PLEKHG7: variants seen among roughly 807,000 people sequenced by gnomAD.
PLEKHG7 encodes pleckstrin homology domain-containing family G member 7.
PLEKHG7 carries 77 observed loss-of-function variants against 85.2 expected under a neutral mutation model. The ratio of observed to expected loss-of-function variants is 0.90; its 90% CI spans 0.75 to 1.09. PLEKHG7 has a LOEUF of 1.09. Ranked by LOEUF, PLEKHG7 falls within the 50% of genes least tolerant of loss-of-function variation. PLEKHG7 has a pLI of 0.00. For synonymous variants in PLEKHG7, 301 were observed against 302.4 expected (o/e 1.00, Z 0.05); for missense variants, 777 against 804.3 (o/e 0.97, Z 0.41).
intron 15 of PLEKHG7, among the ~76,000 whole-genome samples, chr12:92,764,908 G>A (rs949578586): frequency 6.6e-6 from 1 of 152,024 alleles, no homozygotes; most frequent in African/African-American, 2.4e-5. Flanking sequence ...TTGAGTGGGC[G>A]GCAGTGTTCA....
intron 14 of PLEKHG7, among the ~76,000 whole-genome samples, chr12:92,762,587 T>C (rs1366643911): frequency 6.6e-6 from 1 of 152,204 alleles, no homozygotes; most frequent in Non-Finnish European, 1.5e-5. Context: ...AATTTACTAT[T>C]TCACAATCTG....
At chr12:92,713,266 T>C (rs988202701) in intron 3 of PLEKHG7, among the ~76,000 whole-genome samples, 2 of 152,258 alleles carry the variant, frequency 1.3e-5, no homozygotes, top group Non-Finnish European at 2.9e-5. Context: ...GCCGTGATTC[T>C]GTTTTTACAA....
chr12:92,738,048 C>T (rs370650503), intron 7 of PLEKHG7, among the ~76,000 whole-genome samples: 2 of 152,146 alleles, frequency 1.3e-5, no homozygotes, highest in Non-Finnish European at 2.9e-5. Flanking sequence ...CTTTCTCTCT[C>T]GGAGCTCTTG....
At chr12:92,733,639 C>T (rs912359429) in intron 5 of PLEKHG7, among the ~76,000 whole-genome samples, 45 of 152,142 alleles carry the variant, frequency 3.0e-4, no homozygotes, top group Non-Finnish European at 8.8e-5. Flanking sequence ...AGCTGGTCAC[C>T]AATCACATCT....
intron 13 of PLEKHG7, among the ~76,000 whole-genome samples, chr12:92,759,737 A>C (rs1486325247): frequency 2.0e-5 from 3 of 152,178 alleles, no homozygotes; most frequent in Admixed American, 6.5e-5. Context: ...CAGGCTCCAG[A>C]ACTGTGAGAA....
At chr12:92,754,757 T>A (rs1310579244) in intron 11 of PLEKHG7, among the ~76,000 whole-genome samples, 1 of 152,168 alleles carries the variant, frequency 6.6e-6, no homozygotes, top group Non-Finnish European at 1.5e-5. Context: ...GGCCCTATGA[T>A]GACTTAAGTT....
chr12:92,725,926 G>A (rs1871785424), intron 3 of PLEKHG7, among the ~76,000 whole-genome samples: 1 of 152,244 alleles, frequency 6.6e-6, no homozygotes, highest in Middle Eastern at 3.4e-3. Flanking sequence ...AGATACAGAA[G>A]CCCACTTCAG....
chr12:92,761,637 A>G (rs969346720), intron 13 of PLEKHG7, 115 bp from the exon 14 acceptor site: 1 of 506,184 alleles, frequency 2.0e-6, no homozygotes, highest in South Asian at 3.8e-5. Flanking sequence ...AAAGAAAGAA[A>G]GAAAGAAAGA....
At chr12:92,719,571 CT>C (rs1871580782) in intron 3 of PLEKHG7, among the ~76,000 whole-genome samples, 1 of 152,190 alleles carries the variant, frequency 6.6e-6, no homozygotes, top group Non-Finnish European at 1.5e-5. Flanking sequence ...TAAGACTATG[CT>C]TTATCCAAGT....
chr12:92,735,692 C>G (rs1312895979), intron 5 of PLEKHG7, among the ~76,000 whole-genome samples: 1 of 151,996 alleles, frequency 6.6e-6, no homozygotes, highest in Non-Finnish European at 1.5e-5. Flanking sequence ...AGTGAATGAA[C>G]TAAAAAGAAA....
intron 9 of PLEKHG7, among the ~76,000 whole-genome samples, chr12:92,744,783 A>C (rs1461445184): frequency 6.6e-6 from 1 of 151,696 alleles, no homozygotes; most frequent in African/African-American, 2.4e-5. Flanking sequence ...ATCCTGCCTC[A>C]GCCTCCCAGA....
At chr12:92,765,982 T>C (rs76282502) in intron 15 of PLEKHG7, among the ~76,000 whole-genome samples, 3,066 of 152,226 alleles carry the variant, frequency 0.02, 111 homozygotes, top group African/African-American at 0.069. Context: ...AAGCCTCTTG[T>C]ATTTAACTTG....
intron 9 of PLEKHG7, among the ~76,000 whole-genome samples, chr12:92,742,522 A>G (rs76974199): frequency 0.062 from 9,424 of 152,112 alleles, 323 homozygotes; most frequent in Middle Eastern, 0.095. Context: ...ATAAGCTGCA[A>G]GATCCTTTAG....
intron 10 of PLEKHG7, among the ~76,000 whole-genome samples, chr12:92,748,241 C>T (rs568169624): frequency 7.4e-6 from 1 of 134,534 alleles, no homozygotes; most frequent in Non-Finnish European, 1.5e-5. Context: ...GCTGTTATAA[C>T]ACATGATGCT....
chr12:92,770,232 A>G lies in PLEKHG7; in HGVS notation c.*37A>G. ...AAGTGGCATGTCTTTTTAGAAGATT[A>G]TGGTTTAAGGTATAATTTCATTCAA... On this transcript the variant is annotated 3_prime_UTR_variant, in exon 17 of 17. Transcript: ENST00000344636. 1 of 1,411,202 alleles carries G rather than the reference A, an allele frequency of 7.1e-7. No homozygotes were observed. The highest frequency in any genetic ancestry group is 9.9e-7 in the Non-Finnish European group (1 of 1,008,050). The allele number at this position is 1,411,202 out of a possible 1,614,324, so 87.4% of individuals were successfully genotyped here. A position where few individuals can be genotyped will look rare whatever the true frequency, so the allele number is the denominator to read the frequency against.
At chr12:92,764,255 C>A in intron 15 of PLEKHG7, 61 bp downstream of exon 15, 1 of 1,461,552 alleles carries the variant, frequency 6.8e-7, no homozygotes. Context: ...TTATATTGGC[C>A]TTTCTTGGTA....
intron 3 of PLEKHG7, among the ~76,000 whole-genome samples, chr12:92,728,594 C>G (rs186277726): frequency 2.0e-5 from 3 of 149,048 alleles, no homozygotes; most frequent in Admixed American, 1.3e-4. Context: ...ATACCACATT[C>G]CATGGTGTTT....
intron 10 of PLEKHG7, among the ~76,000 whole-genome samples, chr12:92,750,449 A>G (rs1442980090): frequency 3.3e-5 from 5 of 152,204 alleles, no homozygotes; most frequent in Non-Finnish European, 5.9e-5. Context: ...TAAATTATTT[A>G]CCACGGATGC....
rs934936977 is a variant in PLEKHG7, at chr12:92,772,317, A to C, written c.*2122A>C. 3 of 151,914 alleles carry C rather than the reference A, an allele frequency of 2.0e-5. No homozygotes were observed. The highest frequency in any genetic ancestry group is 4.4e-5 in the Non-Finnish European group (3 of 67,840). 9.4% of individuals were successfully genotyped at this position (151,914 alleles called of 1,614,324 possible). On this transcript the variant is annotated 3_prime_UTR_variant, in exon 17 of 17. Coordinates refer to ENST00000344636, the MANE Select transcript of PLEKHG7 (RefSeq NM_001377329.1). The stretch of plus-strand genomic sequence containing the variant: ...TCTACAATATTAAATGGAATGTCTA[A>C]GGCAAAATGGCATTAATAATTTCTC...
Sources: allele counts gnomAD v4.1 joint callset (sites outside exome capture counted in the v4.1 genomes callset), GRCh38; gene constraint gnomAD v4.1.1; transcripts MANE v1.5; gene names NCBI Gene and HGNC (gene_info 2026-07-23, HGNC 2026-07-21).